Variants in SV2C observed in about 807,000 individuals in gnomAD.
SV2C encodes the protein synaptic vesicle glycoprotein 2C.
SV2C carries 49 observed loss-of-function variants against 79.7 expected under a neutral mutation model. The ratio of observed to expected loss-of-function variants is 0.61; its 90% CI spans 0.49 to 0.78. SV2C has a LOEUF of 0.78. Among genes scored for constraint, SV2C ranks in the 30% least tolerant of loss-of-function variants. The probability of loss-of-function intolerance (pLI) is 0.00; values close to 1 mark genes in which losing one functional copy is unlikely to be tolerated. For synonymous variants in SV2C, 334 were observed against 333.2 expected (o/e 1.00, Z -0.03); for missense variants, 833 against 912.9 (o/e 0.91, Z 1.13).
rs1748960403 is a variant in SV2C at position 76,325,351 on chromosome 5, C to CT, written c.2001-10dup. ...CATTTTCTCAACCTTGTTCATGTCT[C>CT]TTTCCTTTGCAGGGCAACAGGCTTT... On this transcript the variant is annotated splice_polypyrimidine_tract_variant and intron_variant, in intron 12 of 12. Coordinates refer to ENST00000502798, the MANE Select transcript of SV2C (RefSeq NM_014979.4). 1.9e-6 allele frequency: 3 copies of CT among 1,613,798 alleles called. No homozygotes were observed. Among genetic ancestry groups the CT allele is most frequent in the Non-Finnish European group, 2.5e-6 (3 of 1,179,812 alleles).
At chr5:76,238,201 T>C (rs1257279861) in intron 4 of SV2C, among the ~76,000 whole-genome samples, 1 of 152,208 alleles carries the variant, frequency 6.6e-6, no homozygotes, top group Non-Finnish European at 1.5e-5. Flanking sequence ...CCTTTGTCTT[T>C]TTATTCTCCT....
the SV2C span, among the ~76,000 whole-genome samples, chr5:76,002,979 G>A: frequency 6.6e-6 from 1 of 152,016 alleles, no homozygotes; most frequent in Non-Finnish European, 1.5e-5. Flanking sequence ...ACGTGTCATG[G>A]GAGGGGCCCG....
intron 4 of SV2C, among the ~76,000 whole-genome samples, chr5:76,254,253 T>TAGAGAG (rs199960755): frequency 5.3e-4 from 79 of 147,748 alleles, no homozygotes; most frequent in Middle Eastern, 3.5e-3. Flanking sequence ...TATATATATA[T>TAGAGAG]ATATAGAGAG....
the SV2C span, among the ~76,000 whole-genome samples, chr5:76,005,000 C>A: frequency 6.6e-6 from 1 of 152,138 alleles, no homozygotes. Flanking sequence ...ATATATCAAC[C>A]AAGTTCTTCC....
At chr5:75,898,164 C>T in the SV2C span, among the ~76,000 whole-genome samples, 1 of 152,178 alleles carries the variant, frequency 6.6e-6, no homozygotes, top group African/African-American at 2.4e-5. Flanking sequence ...AAAGGGAATG[C>T]TTCCAGTTTT....
At chr5:76,260,204 CT>C (rs1454524327) in intron 4 of SV2C, among the ~76,000 whole-genome samples, 2 of 152,136 alleles carry the variant, frequency 1.3e-5, no homozygotes, top group Non-Finnish European at 2.9e-5. Flanking sequence ...TGATGATGAG[CT>C]TTTTTTCCTA....
chr5:76,175,734 T>C (rs1328607760), intron 2 of SV2C, among the ~76,000 whole-genome samples: 4 of 152,210 alleles, frequency 2.6e-5, no homozygotes, highest in Non-Finnish European at 4.4e-5. Context: ...TTCCAACAGC[T>C]GAAATTAGAA....
chr5:75,954,365 C>T, the SV2C span, among the ~76,000 whole-genome samples: 1 of 151,968 alleles, frequency 6.6e-6, no homozygotes, highest in Admixed American at 6.6e-5. Context: ...CATCTCTTGT[C>T]ATAGATAGTT....
At chr5:75,928,813 C>A in the SV2C span, among the ~76,000 whole-genome samples, 1 of 152,120 alleles carries the variant, frequency 6.6e-6, no homozygotes, top group Non-Finnish European at 1.5e-5. Context: ...ACTCCCCAGA[C>A]CCCATCTCAC....
At chr5:75,877,065 G>A in the SV2C span, among the ~76,000 whole-genome samples, 4 of 151,906 alleles carry the variant, frequency 2.6e-5, no homozygotes, top group Admixed American at 1.3e-4. Flanking sequence ...ATTTTAGATC[G>A]AAAGATACAA....
chr5:75,915,384 GAAGT>G, the SV2C span, among the ~76,000 whole-genome samples: 5 of 152,310 alleles, frequency 3.3e-5, no homozygotes, highest in Admixed American at 2.0e-4. Context: ...GCCAAACAAT[GAAGT>G]AAGTAGGATT....
intron 6 of SV2C, among the ~76,000 whole-genome samples, chr5:76,289,393 C>T (rs1475852959): frequency 2.0e-5 from 3 of 152,114 alleles, no homozygotes; most frequent in East Asian, 3.9e-4. Flanking sequence ...TTCTAGATCA[C>T]ATAGGCCCTT....
the SV2C span, among the ~76,000 whole-genome samples, chr5:76,060,597 C>T: frequency 6.6e-6 from 1 of 152,082 alleles, no homozygotes; most frequent in Non-Finnish European, 1.5e-5. Flanking sequence ...GGCTTTGTTC[C>T]AGACTGGGCT....
At chr5:76,215,634 G>A (rs910471854) in intron 4 of SV2C, among the ~76,000 whole-genome samples, 4 of 152,268 alleles carry the variant, frequency 2.6e-5, no homozygotes, top group African/African-American at 2.4e-5. Flanking sequence ...GAGCGGGTCC[G>A]CCCCTGCTGC....
chr5:76,299,201 C>T lies in SV2C; in HGVS notation c.1636+274C>T, dbSNP rs571398235. ...TAAATTTTTAAAGCAAAGACCTAAC[C>T]TGTAGTTTATTTGTTTTGATAATCC... On this transcript the variant is annotated intron_variant, in intron 10 of 12. Transcript: ENST00000502798. Among the ~76,000 whole-genome samples, 28 of 152,250 alleles carry T rather than the reference C, an allele frequency of 1.8e-4. No homozygotes were observed. In the South Asian group the frequency reaches 5.2e-3, roughly 28 times the overall value.
intron 9 of SV2C, among the ~76,000 whole-genome samples, chr5:76,296,668 G>A (rs1747779093): frequency 6.6e-6 from 1 of 152,172 alleles, no homozygotes; most frequent in Non-Finnish European, 1.5e-5. Flanking sequence ...TTCTTAGGAA[G>A]TTGTCCCAAT....
At chr5:75,967,412 C>G in the SV2C span, among the ~76,000 whole-genome samples, 1 of 152,168 alleles carries the variant, frequency 6.6e-6, no homozygotes, top group African/African-American at 2.4e-5. Context: ...CAAGGAATTC[C>G]CTTTCCTACT....
the SV2C span, among the ~76,000 whole-genome samples, chr5:75,966,841 T>A: frequency 5.9e-5 from 9 of 152,150 alleles, no homozygotes; most frequent in Non-Finnish European, 7.4e-5. Context: ...GCTCATTTGA[T>A]CTGTATCACT....
At chr5:75,979,947 T>C in the SV2C span, among the ~76,000 whole-genome samples, 1 of 152,012 alleles carries the variant, frequency 6.6e-6, no homozygotes, top group Admixed American at 6.6e-5. Flanking sequence ...AGCTGTTTGT[T>C]TGAAAAAATT....
Sources: gnomAD v4.1 joint callset for allele counts (sites outside exome capture counted in the v4.1 genomes callset) on GRCh38, gnomAD v4.1.1 for gene constraint, MANE v1.5 for transcripts, NCBI Gene and HGNC (gene_info 2026-07-23, HGNC 2026-07-21) for gene names.